The following TSPAN33 variants were observed in gnomAD, a reference collection of about 807,000 sequenced individuals.
The protein encoded by TSPAN33 is tetraspanin-33.
Under a neutral mutation model 34.8 loss-of-function variants are expected in TSPAN33, and 27 were observed. The observed-to-expected ratio is 0.78, with a 90% confidence interval of 0.57 to 1.07. The LOEUF (loss-of-function observed/expected upper bound fraction) is 1.07. Ranked by LOEUF, TSPAN33 falls within the 50% of genes least tolerant of loss-of-function variation. TSPAN33 has a pLI of 0.00. For missense variants in TSPAN33, 272 were observed against 324.9 expected, an observed-to-expected ratio of 0.84 and a Z score of 1.25; for synonymous variants, 119 against 124.2, an observed-to-expected ratio of 0.96 and a Z score of 0.28.
In TSPAN33 at chr7:129,152,305, G is replaced by C. The variant is rs13243663; in HGVS notation, c.102+7223G>C. On this transcript the variant is annotated intron_variant, in intron 1 of 7. Coordinates refer to ENST00000486685, the MANE Select transcript of TSPAN33 (RefSeq NM_178562.5). Reference sequence around the variant, plus strand: ...GTTCATAGCAATACTATCCACAGCAGCCAAAAGGTGGGAGCAACACAAATG... The same window carrying C: ...GTTCATAGCAATACTATCCACAGCACCCAAAAGGTGGGAGCAACACAAATG... Among the ~76,000 whole-genome samples, 541 of 152,332 alleles carry C rather than the reference G, an allele frequency of 3.6e-3. 2 individuals carry two copies. The highest frequency in any genetic ancestry group is 6.2e-3 in the Non-Finnish European group (419 of 68,034).
At chr7:129,164,631 C>A in intron 5 of TSPAN33, 62 bp downstream of exon 5, 1 of 1,470,870 alleles carries the variant, frequency 6.8e-7, no homozygotes, top group Non-Finnish European at 9.5e-7. Context: ...CCAAGAGATG[C>A]CTCACCCTCT....
At chr7:129,150,219 A>G (rs1810574635) in intron 1 of TSPAN33, among the ~76,000 whole-genome samples, 1 of 152,204 alleles carries the variant, frequency 6.6e-6, no homozygotes, top group Admixed American at 6.5e-5. Flanking sequence ...AGACAAGGCT[A>G]GGGCTTTCCC....
chr7:129,149,609 G>A (rs141635258), intron 1 of TSPAN33, among the ~76,000 whole-genome samples: 186 of 152,368 alleles, frequency 1.2e-3, no homozygotes, highest in African/African-American at 4.3e-3. Flanking sequence ...TAGGAGGCTA[G>A]TGCTGGGCCA....
At chr7:129,147,517 C>T (rs1017412670) in intron 1 of TSPAN33, among the ~76,000 whole-genome samples, 6 of 152,182 alleles carry the variant, frequency 3.9e-5, no homozygotes, top group Non-Finnish European at 4.4e-5. Flanking sequence ...TGCTGCCTCC[C>T]CAGATCAGGG....
intron 1 of TSPAN33, among the ~76,000 whole-genome samples, chr7:129,151,326 C>T (rs570065785): frequency 1.3e-5 from 2 of 152,098 alleles, no homozygotes; most frequent in South Asian, 4.2e-4. Flanking sequence ...ACTGTGTTGC[C>T]CAGACTGGTC....
chr7:129,162,566 A>G, intron 3 of TSPAN33, 45 bp downstream of exon 3: 11 of 1,605,254 alleles, frequency 6.9e-6, no homozygotes, highest in Non-Finnish European at 9.3e-6. Flanking sequence ...CCCTCTCCCC[A>G]TCATGCCTCT....
rs1793149548 is a variant in TSPAN33, at chr7:129,166,869, C to T, written c.551C>T (p.Ser184Phe). 1.2e-6 allele frequency: 2 copies of T among 1,614,040 alleles called. No homozygotes were observed. The highest frequency in any genetic ancestry group is 1.1e-5 in the South Asian group (1 of 91,072). The change falls in exon 6 of 8, where the codon TCT becomes TTT. Residue 184 changes from serine to phenylalanine, a missense_variant. Ser to Phe is a radical substitution (Grantham distance 155). Coordinates refer to ENST00000486685, the MANE Select transcript of TSPAN33 (RefSeq NM_178562.5). ...GACAACCCCAGTCGAGAGCGCTGCTCTGTGCCTTACTCCTGTTGCTTGCCT... is the reference window on the plus strand; with the variant it reads ...GACAACCCCAGTCGAGAGCGCTGCTTTGTGCCTTACTCCTGTTGCTTGCCT... ...SEDNPSRERC[S>F]VPYSCCLPTP...
chr7:129,167,664 G>A lies in TSPAN33; in HGVS notation c.750+104G>A. Reference sequence around the variant, plus strand: ...AGCGAGGGTGTCAGGCACTGACATGGCTGAGGGGTAGGGAAAGGGATAGTG... The same window carrying A: ...AGCGAGGGTGTCAGGCACTGACATGACTGAGGGGTAGGGAAAGGGATAGTG... On this transcript the variant is annotated intron_variant, in intron 7 of 7. Transcript: ENST00000486685. This position sits in a 1 kb window ranked among gnomAD's most constrained non-coding sequence, Gnocchi z 4.6. 6.4e-7 allele frequency: 1 copy of A among 1,554,530 alleles called. No individual in the cohort carries two copies. The highest frequency in any genetic ancestry group is 8.8e-7 in the Non-Finnish European group (1 of 1,134,086).
rs1019417847 is a variant in TSPAN33 at position 129,168,833 on chromosome 7, T to C, written c.*959T>C. The C allele has an allele frequency of 9.4e-6, 1 of 105,898 alleles. No homozygotes were observed. The allele number at this position is 105,898 out of a possible 1,614,324, so 6.6% of individuals were successfully genotyped here. A position where few individuals can be genotyped will look rare whatever the true frequency, so the allele number is the denominator to read the frequency against. Reference sequence around the variant, plus strand: ...GCAATAAAAGCGTGTTGACCTGGGCTACGCGGGACTCCATGAATTTTCCAT... The same window carrying C: ...GCAATAAAAGCGTGTTGACCTGGGCCACGCGGGACTCCATGAATTTTCCAT... On this transcript the variant is annotated 3_prime_UTR_variant, in exon 8 of 8. Coordinates refer to ENST00000486685, the MANE Select transcript of TSPAN33 (RefSeq NM_178562.5).
chr7:129,145,337 C>T (rs1387214253), intron 1 of TSPAN33, among the ~76,000 whole-genome samples: 1 of 151,902 alleles, frequency 6.6e-6, no homozygotes, highest in Non-Finnish European at 1.5e-5. Flanking sequence ...CTGTGTTAGG[C>T]TAGAAATGTG....
rs771997909 is a variant in TSPAN33, at chr7:129,167,914, C to A, written c.*40C>A. 1.9e-6 allele frequency: 3 copies of A among 1,607,038 alleles called. No individual in the cohort carries two copies. Among genetic ancestry groups the A allele is most frequent in the Non-Finnish European group, 1.7e-6 (2 of 1,176,968 alleles). Reference sequence around the variant, plus strand: ...CCTCCTCACCATGGAAACTGGCAAGCCTCATAAACGAACAGCAGTGGGTGC... The same window carrying A: ...CCTCCTCACCATGGAAACTGGCAAGACTCATAAACGAACAGCAGTGGGTGC... On this transcript the variant is annotated 3_prime_UTR_variant, in exon 8 of 8. Transcript: ENST00000486685. This position sits in a 1 kb window ranked among gnomAD's most constrained non-coding sequence, Gnocchi z 4.6.
intron 1 of TSPAN33, among the ~76,000 whole-genome samples, chr7:129,145,635 T>C (rs1190224859): frequency 6.7e-6 from 1 of 150,320 alleles, no homozygotes; most frequent in Non-Finnish European, 1.5e-5. Context: ...GCCCCAAACT[T>C]TGTCCCCTCC....
At chr7:129,156,937 T>C (rs896194810) in intron 1 of TSPAN33, among the ~76,000 whole-genome samples, 3 of 152,232 alleles carry the variant, frequency 2.0e-5, no homozygotes, top group African/African-American at 7.2e-5. Context: ...TTCAGGAACA[T>C]ACATTTTGCT....
intron 1 of TSPAN33, among the ~76,000 whole-genome samples, 160 bp from the exon 2 acceptor site, chr7:129,161,519 C>T (rs1460694258): frequency 6.6e-6 from 1 of 152,122 alleles, no homozygotes; most frequent in Non-Finnish European, 1.5e-5. Context: ...GAGGTAAAGC[C>T]CTGACAGATT....
chr7:129,167,802 A>G lies in TSPAN33; in HGVS notation c.780A>G (p.Leu260=), dbSNP rs2150629575. 6.2e-7 allele frequency: 1 copy of G among 1,614,182 alleles called. No individual in the cohort carries two copies. The highest frequency in any genetic ancestry group is 2.2e-5 in the East Asian group (1 of 44,888). ...QLVGILLSQI[L]VNQIKDQIKL... ...TGGGAATTCTGCTGTCCCAGATCCT[A>G]GTGAATCAGATCAAAGATCAGATCA... Residue 260 remains leucine (L), a synonymous_variant, in exon 8 of 8, where the codon CTA becomes CTG. Transcript: ENST00000486685. The surrounding 1 kb of genome is among the most constrained non-coding windows in gnomAD (Gnocchi z 4.6).
intron 1 of TSPAN33, among the ~76,000 whole-genome samples, chr7:129,160,712 G>T (rs1793035812): frequency 6.6e-6 from 1 of 152,218 alleles, no homozygotes; most frequent in Non-Finnish European, 1.5e-5. Context: ...TCACATTGGA[G>T]TGCACTTTCT....
Position 129,165,221 on chromosome 7 carries a change from T to C in TSPAN33, c.459+652T>C, listed in dbSNP as rs941589540. On this transcript the variant is annotated intron_variant, in intron 5 of 7. Coordinates refer to ENST00000486685, the MANE Select transcript of TSPAN33 (RefSeq NM_178562.5). The surrounding 1 kb of genome is among the most constrained non-coding windows in gnomAD (Gnocchi z 4.5). ...TTGAAACTCTGTATCCATCAAACAC[T>C]AACTCCCCATTTTCCTCTCTTGAAA... 6.6e-6 allele frequency among the ~76,000 whole-genome samples: 1 copy of C among 152,160 alleles called. No individual in the cohort carries two copies. Among genetic ancestry groups the C allele is most frequent in the African/African-American group, 2.4e-5 (1 of 41,442 alleles).
At chr7:129,166,497 A>T (rs1793142316) in intron 5 of TSPAN33, 1 of 267,646 alleles carries the variant, frequency 3.7e-6, no homozygotes, top group Non-Finnish European at 7.0e-6. Context: ...CAAGAAGATT[A>T]TAGCTGAGTA....
At position 129,150,259 on chromosome 7, in the gene TSPAN33, G is replaced by A. The variant is rs553039698; in HGVS notation, c.102+5177G>A. Among the ~76,000 whole-genome samples, 3 of 152,286 alleles carry A rather than the reference G, an allele frequency of 2.0e-5. No homozygotes were observed. The South Asian group carries it at 6.2e-4, about 32-fold the overall frequency. On this transcript the variant is annotated intron_variant, in intron 1 of 7. Coordinates refer to ENST00000486685, the MANE Select transcript of TSPAN33 (RefSeq NM_178562.5). The stretch of plus-strand genomic sequence containing the variant: ...GGCTACGCCTGCTGGTGGCCCCACT[G>A]TGGCAACGCCATGCCTTCCCTTTTC...
Sources: allele counts gnomAD v4.1 joint callset (sites outside exome capture counted in the v4.1 genomes callset), GRCh38; gene constraint gnomAD v4.1.1; non-coding constraint Gnocchi (gnomAD v3.1); transcripts MANE v1.5; gene names NCBI Gene and HGNC (gene_info 2026-07-23, HGNC 2026-07-21).